The following FAM107B variants were observed in gnomAD, a reference collection of about 807,000 sequenced individuals.
The protein encoded by FAM107B is family with sequence similarity 107 member B.
A neutral mutation model predicts 31.5 loss-of-function variants in FAM107B; 21 were observed. That is an observed-to-expected ratio of 0.67 (90% CI 0.47 to 0.96). The LOEUF is 0.96. Among genes scored for constraint, FAM107B ranks in the 40% least tolerant of loss-of-function variants. The pLI is 0.00. For synonymous variants in FAM107B, 157 were observed against 141.5 expected (o/e 1.11, Z -0.78); for missense variants, 452 against 377.1 (o/e 1.20, Z -1.64).
chr10:14,732,779 CTATAGAATACAT>C (rs1002874093), intron 1 of FAM107B, among the ~76,000 whole-genome samples: 18 of 146,188 alleles, frequency 1.2e-4, no homozygotes, highest in African/African-American at 2.5e-4. Flanking sequence ...ATAATATATT[CTATAGAATACAT>C]TATAGAATAC....
intron 2 of FAM107B, among the ~76,000 whole-genome samples, chr10:14,541,633 A>T (rs189167650): frequency 6.6e-6 from 1 of 152,270 alleles, no homozygotes; most frequent in Non-Finnish European, 1.5e-5. Flanking sequence ...CCCTTGCCTC[A>T]GGCACTTCCC....
At chr10:14,571,167 G>A (rs1388944630) in intron 2 of FAM107B, among the ~76,000 whole-genome samples, 1 of 152,076 alleles carries the variant, frequency 6.6e-6, no homozygotes, top group Non-Finnish European at 1.5e-5. Context: ...TGAGAAAAAA[G>A]CTCTCCTGTC....
intron 1 of FAM107B, among the ~76,000 whole-genome samples, chr10:14,680,573 C>CA (rs35826993): frequency 0.46 from 61,642 of 133,882 alleles, 14,995 homozygotes; most frequent in South Asian, 0.63. Context: ...GACTCTGTCT[C>CA]AAAAAAAAAA....
At chr10:14,547,696 C>T (rs757687348) in intron 2 of FAM107B, among the ~76,000 whole-genome samples, 9 of 152,098 alleles carry the variant, frequency 5.9e-5, no homozygotes, top group South Asian at 2.1e-4. Flanking sequence ...TTTTGAAATA[C>T]TGAATTAGTT....
At chr10:14,689,087 C>T (rs1855060754) in intron 1 of FAM107B, among the ~76,000 whole-genome samples, 1 of 152,090 alleles carries the variant, frequency 6.6e-6, no homozygotes, top group African/African-American at 2.4e-5. Context: ...CGAGAACCAA[C>T]ACATGGACCT....
intron 2 of FAM107B, among the ~76,000 whole-genome samples, chr10:14,590,546 G>C (rs903890858): frequency 2.6e-5 from 4 of 152,200 alleles, no homozygotes; most frequent in African/African-American, 9.6e-5. Context: ...GCCTGGTGCT[G>C]ATGGAGCATA....
chr10:14,645,577 A>G (rs2131438816), intron 2 of FAM107B, among the ~76,000 whole-genome samples: 1 of 152,288 alleles, frequency 6.6e-6, no homozygotes, highest in Non-Finnish European at 1.5e-5. Context: ...GAGACTCCTC[A>G]GCTTGTAGGG....
At chr10:14,657,312 C>G (rs188693544) in intron 2 of FAM107B, among the ~76,000 whole-genome samples, 2 of 152,146 alleles carry the variant, frequency 1.3e-5, no homozygotes, top group African/African-American at 4.8e-5. Context: ...TTAACAGATT[C>G]GGCCTAGGAG....
chr10:14,643,592 T>C (rs975291859), intron 2 of FAM107B, among the ~76,000 whole-genome samples: 3 of 152,044 alleles, frequency 2.0e-5, no homozygotes, highest in Admixed American at 1.3e-4. Flanking sequence ...GTATTTTCAG[T>C]AGAGACAGGG....
At chr10:14,598,478 T>G (rs1189163901) in intron 2 of FAM107B, among the ~76,000 whole-genome samples, 2 of 152,176 alleles carry the variant, frequency 1.3e-5, no homozygotes, top group Non-Finnish European at 1.5e-5. Context: ...TGACTCCTCT[T>G]AGATGAAGCA....
At chr10:14,564,831 T>C (rs1270954224) in intron 2 of FAM107B, among the ~76,000 whole-genome samples, 1 of 152,242 alleles carries the variant, frequency 6.6e-6, no homozygotes, top group Non-Finnish European at 1.5e-5. Flanking sequence ...TTCTAATATC[T>C]CAAGAACAGG....
rs190876533 is a variant in FAM107B, at chr10:14,634,982, G to A, written c.469+32652C>T. Among the ~76,000 whole-genome samples the A allele has an allele frequency of 1.3e-3, 192 of 152,102 alleles. 1 individual carries two copies. The highest frequency in any genetic ancestry group is 2.9e-4 in the Non-Finnish European group (20 of 68,004). On this transcript the variant is annotated intron_variant, in intron 2 of 4. Coordinates refer to ENST00000181796, the MANE Select transcript of FAM107B (RefSeq NM_031453.4). ...TGCATACCTGTAATCCCAGCTACTCGGCAGGCTGAGGTGGGAGAATCGCTT... is the reference window on the plus strand; with the variant it reads ...TGCATACCTGTAATCCCAGCTACTCAGCAGGCTGAGGTGGGAGAATCGCTT...
At chr10:14,646,196 T>A (rs1003438858) in intron 2 of FAM107B, among the ~76,000 whole-genome samples, 2 of 152,240 alleles carry the variant, frequency 1.3e-5, no homozygotes, top group African/African-American at 4.8e-5. Flanking sequence ...ATGTTTTTTT[T>A]ATTTCAATAG....
At chr10:14,635,457 G>T (rs1015891220) in intron 2 of FAM107B, among the ~76,000 whole-genome samples, 1 of 152,182 alleles carries the variant, frequency 6.6e-6, no homozygotes, top group African/African-American at 2.4e-5. Context: ...CCCTCTGCCA[G>T]TGATCCTCCA....
chr10:14,595,273 A>T (rs1365909117), intron 2 of FAM107B, among the ~76,000 whole-genome samples: 1 of 152,176 alleles, frequency 6.6e-6, no homozygotes, highest in Non-Finnish European at 1.5e-5. Context: ...TACATCTCCC[A>T]AGCATTTCTG....
At chr10:14,582,641 A>T (rs1028590840) in intron 2 of FAM107B, among the ~76,000 whole-genome samples, 6 of 151,448 alleles carry the variant, frequency 4.0e-5, no homozygotes, top group African/African-American at 4.9e-5. Context: ...CCTCCCAAAG[A>T]GCTGGGATTA....
intron 2 of FAM107B, among the ~76,000 whole-genome samples, chr10:14,562,317 C>T (rs1850313123): frequency 1.3e-5 from 2 of 152,140 alleles, no homozygotes; most frequent in South Asian, 2.1e-4. Flanking sequence ...ATGCACCTTC[C>T]TAAACAGTCT....
At chr10:14,641,471 A>G (rs1184808515) in intron 2 of FAM107B, among the ~76,000 whole-genome samples, 2 of 152,164 alleles carry the variant, frequency 1.3e-5, no homozygotes, top group Non-Finnish European at 2.9e-5. Context: ...TGGCTTAAAC[A>G]ACGGAAATTC....
intron 2 of FAM107B, among the ~76,000 whole-genome samples, chr10:14,583,227 A>C (rs1851710146): frequency 6.6e-6 from 1 of 152,178 alleles, no homozygotes; most frequent in Non-Finnish European, 1.5e-5. Context: ...AACCAGAAGG[A>C]GGAAAATTCT....
Sources: gnomAD v4.1 joint callset for allele counts (sites outside exome capture counted in the v4.1 genomes callset) on GRCh38, gnomAD v4.1.1 for gene constraint, MANE v1.5 for transcripts, NCBI Gene and HGNC (gene_info 2026-07-23, HGNC 2026-07-21) for gene names.